CCNB1: variants seen among roughly 807,000 people sequenced by gnomAD.
CCNB1 encodes the protein G2/mitotic-specific cyclin-B1.
A neutral mutation model predicts 44.4 loss-of-function variants in CCNB1; 26 were observed. That is an observed-to-expected ratio of 0.59 (90% confidence interval 0.43 to 0.81). The LOEUF is 0.81. Ranked by LOEUF, CCNB1 falls within the 40% of genes least tolerant of loss-of-function variation. The pLI, the probability that CCNB1 is intolerant of heterozygous loss-of-function variation, is 0.00. For missense variants in CCNB1, 477 were observed against 520.9 expected, an observed-to-expected ratio of 0.92 and a Z score of 0.82; for synonymous variants, 195 against 181.4, an observed-to-expected ratio of 1.08 and a Z score of -0.60.
chr5:69,175,817 T>A (rs1383129698), intron 7 of CCNB1, among the ~76,000 whole-genome samples: 1 of 151,778 alleles, frequency 6.6e-6, no homozygotes, highest in Non-Finnish European at 1.5e-5. Flanking sequence ...TTTTTAAATT[T>A]TTTTCATGTC....
chr5:69,167,867 C>T, intron 1 of CCNB1, 41 bp from the exon 2 acceptor site: 3 of 1,549,728 alleles, frequency 1.9e-6, no homozygotes, highest in Non-Finnish European at 1.7e-6. Context: ...CTTACTCGAG[C>T]CTTCGTGGAT....
intron 3 of CCNB1, among the ~76,000 whole-genome samples, chr5:69,169,522 C>T (rs1461670105): frequency 6.6e-6 from 1 of 152,222 alleles, no homozygotes; most frequent in Non-Finnish European, 1.5e-5. Flanking sequence ...TGCTTTCCCA[C>T]TTAGTAAGAA....
chr5:69,171,620 C>G (rs1470951616), intron 4 of CCNB1, among the ~76,000 whole-genome samples, 168 bp downstream of exon 4: 3 of 152,132 alleles, frequency 2.0e-5, no homozygotes, highest in African/African-American at 7.2e-5. Context: ...ACTAAATAAA[C>G]CAATGGAGTC....
At chr5:69,171,227 G>T (rs778292780) in intron 3 of CCNB1, 43 bp from the exon 4 acceptor site, 2 of 1,503,632 alleles carry the variant, frequency 1.3e-6, no homozygotes, top group South Asian at 1.2e-5. Context: ...AAACTATAGT[G>T]CTTACTTCTA....
intron 4 of CCNB1, among the ~76,000 whole-genome samples, chr5:69,172,317 T>G (rs1747481420): frequency 6.6e-6 from 1 of 152,108 alleles, no homozygotes; most frequent in Non-Finnish European, 1.5e-5. Flanking sequence ...TGGAGTGCAG[T>G]GGTGCAATCT....
At chr5:69,167,664 A>G (rs573358726) in intron 1 of CCNB1, among the ~76,000 whole-genome samples, 94 of 152,248 alleles carry the variant, frequency 6.2e-4, no homozygotes, top group Admixed American at 1.8e-3. Context: ...TTTCAAATGT[A>G]AATTCTCGGT....
intron 6 of CCNB1, 97 bp from the exon 7 acceptor site, chr5:69,175,300 A>G (rs1315320027): frequency 2.1e-5 from 25 of 1,196,200 alleles, no homozygotes; most frequent in Non-Finnish European, 2.8e-5. Flanking sequence ...GAGAGTTTGT[A>G]GACAAACATT....
At chr5:69,175,895 C>A (rs1379386849) in intron 7 of CCNB1, among the ~76,000 whole-genome samples, 1 of 151,002 alleles carries the variant, frequency 6.6e-6, no homozygotes, top group African/African-American at 2.4e-5. Context: ...CACATGAACA[C>A]CAAATCATCA....
At chr5:69,172,307 T>A (rs1747481037) in intron 4 of CCNB1, among the ~76,000 whole-genome samples, 1 of 152,180 alleles carries the variant, frequency 6.6e-6, no homozygotes, top group African/African-American at 2.4e-5. Context: ...TTGCCCAGGC[T>A]GGAGTGCAGT....
intron 1 of CCNB1, among the ~76,000 whole-genome samples, 162 bp from the exon 2 acceptor site, chr5:69,167,746 T>C (rs1196616653): frequency 6.6e-6 from 1 of 152,054 alleles, no homozygotes; most frequent in African/African-American, 2.4e-5. Context: ...GAAACTGACT[T>C]GTCACGGCCG....
chr5:69,173,586 G>T (rs1367657601), intron 4 of CCNB1, among the ~76,000 whole-genome samples: 1 of 152,118 alleles, frequency 6.6e-6, no homozygotes, highest in Admixed American at 6.6e-5. Flanking sequence ...GGGAGTTACT[G>T]ATATTTTCTC....
At chr5:69,175,732 G>A (rs959194650) in intron 7 of CCNB1, among the ~76,000 whole-genome samples, 195 bp downstream of exon 7, 1 of 152,048 alleles carries the variant, frequency 6.6e-6, no homozygotes, top group African/African-American at 2.4e-5. Flanking sequence ...CACTCAGGCT[G>A]GAGTGCAGTG....
chr5:69,168,052 C>G lies in CCNB1; in HGVS notation c.166C>G (p.Leu56Val), dbSNP rs776196962. ...GDIGNKVSEQ[L>V]QAKMPMKKEA... ...CATTGGTAACAAAGTCAGTGAACAA[C>G]TGCAGGCCAAAATGCCTATGAAGAA... Residue 56 changes from leucine (L) to valine (V), a missense_variant, in exon 2 of 9, where the codon CTG (leucine) becomes GTG (valine). Transcript: ENST00000256442. 1.2e-5 allele frequency: 19 copies of G among 1,614,044 alleles called. 1 individual carries two copies. The East Asian group carries it at 2.5e-4, about 21-fold the overall frequency.
rs768278048 is a variant in CCNB1, at chr5:69,174,338, G to A, written c.634G>A (p.Val212Ile). 4 of 1,614,094 alleles carry A rather than the reference G, an allele frequency of 2.5e-6. No homozygotes were observed. The highest frequency in any genetic ancestry group is 3.4e-6 in the Non-Finnish European group (4 of 1,179,988). The change falls in exon 5 of 9, where the codon GTT (valine) becomes ATT (isoleucine). Residue 212 changes from valine to isoleucine, a missense_variant. Physicochemically the swap from Val to Ile is conservative, Grantham distance 29 (BLOSUM62 3). Transcript: ENST00000256442. Reference protein sequence around the residue: ...RAILIDWLVQVQMKFRLLQET... With the variant: ...RAILIDWLVQIQMKFRLLQET... Reference sequence around the variant, plus strand: ...CATCCTAATTGACTGGCTAGTACAGGTTCAAATGAAATTCAGGTTGTTGCA... The same window carrying A: ...CATCCTAATTGACTGGCTAGTACAGATTCAAATGAAATTCAGGTTGTTGCA...
chr5:69,173,099 C>T (rs774808108), intron 4 of CCNB1, among the ~76,000 whole-genome samples: 1 of 152,062 alleles, frequency 6.6e-6, no homozygotes, highest in Non-Finnish European at 1.5e-5. Context: ...CTTGATGCTT[C>T]GTTCTTGTTC....
At position 69,178,010 on chromosome 5, in the gene CCNB1, T is replaced by C. The variant is rs1413960511; in HGVS notation, c.*379T>C. The stretch of plus-strand genomic sequence containing the variant: ...GTAAGCCAAGTCATGGAGAATCTGC[T>C]GCATAGCTCTATTTTAAAGTAAAAG... On this transcript the variant is annotated 3_prime_UTR_variant, in exon 9 of 9. Coordinates refer to ENST00000256442, the MANE Select transcript of CCNB1 (RefSeq NM_031966.4). The C allele has an allele frequency of 6.3e-6, 1 of 158,722 alleles. No homozygotes were observed. The highest frequency in any genetic ancestry group is 1.4e-5 in the Non-Finnish European group (1 of 72,380). 9.8% of individuals were successfully genotyped at this position (158,722 alleles called of 1,614,324 possible). A position where few individuals can be genotyped will look rare whatever the true frequency, so the allele number is the denominator to read the frequency against.
rs890699957 is a variant in CCNB1, at chr5:69,175,519, T to G, written c.1065T>G (p.Ile355Met). Reference protein sequence around the residue: ...AAGAFCLALKILDNGEWTPTL... With the variant: ...AAGAFCLALKMLDNGEWTPTL... Reference sequence around the variant, plus strand: ...GAGCTTTTTGCTTAGCACTGAAAATTCTGGATAATGGTGAATGGGTAAGCT... The same window carrying G: ...GAGCTTTTTGCTTAGCACTGAAAATGCTGGATAATGGTGAATGGGTAAGCT... Residue 355 changes from isoleucine to methionine, a missense_variant, in exon 7 of 9, where the codon ATT (isoleucine) becomes ATG (methionine). By Grantham distance (10) the Ile-to-Met change is conservative. Transcript: ENST00000256442. 2 of 1,614,146 alleles carry G rather than the reference T, an allele frequency of 1.2e-6. No individual in the cohort carries two copies. The highest frequency in any genetic ancestry group is 1.7e-6 in the Non-Finnish European group (2 of 1,180,010).
In CCNB1 at chr5:69,174,894, G is replaced by A; in HGVS notation, c.723G>A (p.Lys241=). ...DRFMQNNCVP[K]KMLQLVGVTA... ...CATTGCAGAATAATTGTGTGCCCAA[G>A]AAGATGCTGCAGCTGGTTGGTGTCA... Residue 241 remains lysine, a synonymous_variant, in exon 6 of 9, where the codon AAG becomes AAA. Coordinates refer to ENST00000256442, the MANE Select transcript of CCNB1 (RefSeq NM_031966.4). 2 of 1,613,928 alleles carry A rather than the reference G, an allele frequency of 1.2e-6. No homozygotes were observed. Among genetic ancestry groups the A allele is most frequent in the Non-Finnish European group, 1.7e-6 (2 of 1,179,840 alleles).
intron 6 of CCNB1, 117 bp from the exon 7 acceptor site, chr5:69,175,280 A>G (rs1218540994): frequency 1.9e-6 from 2 of 1,080,518 alleles, no homozygotes; most frequent in African/African-American, 1.6e-5. Context: ...AGGACTTTCC[A>G]TGGGCATTTG....
Sources: allele counts gnomAD v4.1 joint callset (sites outside exome capture counted in the v4.1 genomes callset), GRCh38; gene constraint gnomAD v4.1.1; transcripts MANE v1.5; gene names NCBI Gene and HGNC (gene_info 2026-07-23, HGNC 2026-07-21).